VPS8: variants seen among roughly 807,000 people sequenced by gnomAD.
The protein encoded by VPS8 is VPS8 subunit of CORVET complex.
Under a neutral mutation model 216.4 loss-of-function variants are expected in VPS8, and 129 were observed. The ratio of observed to expected loss-of-function variants is 0.60; its 90% CI spans 0.52 to 0.69. The LOEUF (loss-of-function observed/expected upper bound fraction) is 0.69, where lower values mean the gene tolerates loss of function less well. Among genes scored for constraint, VPS8 ranks in the 30% least tolerant of loss-of-function variants. The probability of loss-of-function intolerance (pLI) is 0.00; values close to 1 mark genes in which losing one functional copy is unlikely to be tolerated. For synonymous variants in VPS8, 571 were observed against 565.4 expected (o/e 1.01, Z -0.14); for missense variants, 1,531 against 1,683.5 (o/e 0.91, Z 1.59).
rs1302929334 is a variant in VPS8, at chr3:184,868,008, T to C, written c.1471-16T>C. 3 of 1,612,538 alleles carry C rather than the reference T, an allele frequency of 1.9e-6. No homozygotes were observed. Among genetic ancestry groups the C allele is most frequent in the Non-Finnish European group, 2.5e-6 (3 of 1,179,586 alleles). ...TTAAGGGTGATCATTTTAATTTCCA[T>C]CTCTTTACTTTCCAGTCTGTTTATG... On this transcript the variant is annotated splice_polypyrimidine_tract_variant and intron_variant, in intron 17 of 47. Coordinates refer to ENST00000625842, the MANE Select transcript of VPS8 (RefSeq NM_001009921.3).
chr3:184,923,725 G>C (rs1739070018), intron 29 of VPS8, among the ~76,000 whole-genome samples: 2 of 151,992 alleles, frequency 1.3e-5, no homozygotes, highest in African/African-American at 4.8e-5. Context: ...AATAAATATT[G>C]TTGTTCCCCT....
chr3:184,826,562 A>G (rs1321811403), intron 3 of VPS8, among the ~76,000 whole-genome samples: 2 of 152,224 alleles, frequency 1.3e-5, no homozygotes. Context: ...GGCATAAACC[A>G]TCTCTTGTTC....
chr3:184,939,765 C>A (rs1337078365), intron 35 of VPS8, among the ~76,000 whole-genome samples: 2 of 152,144 alleles, frequency 1.3e-5, no homozygotes, highest in Non-Finnish European at 2.9e-5. Context: ...GGACCTCAAA[C>A]TCCCACCCTC....
At chr3:185,012,455 G>A (rs1019667072) in intron 45 of VPS8, among the ~76,000 whole-genome samples, 1 of 150,550 alleles carries the variant, frequency 6.6e-6, no homozygotes, top group African/African-American at 2.4e-5. Context: ...TGGGGACATT[G>A]GACCTAATAA....
chr3:184,950,217 T>TTTG (rs1744437393), intron 36 of VPS8, among the ~76,000 whole-genome samples: 1 of 30,530 alleles, frequency 3.3e-5, no homozygotes, highest in African/African-American at 1.5e-4. Flanking sequence ...AGTTTTCTGC[T>TTTG]TTTTTTTTTT....
chr3:184,916,540 T>G (rs1737630524), intron 28 of VPS8, among the ~76,000 whole-genome samples: 1 of 152,026 alleles, frequency 6.6e-6, no homozygotes, highest in South Asian at 2.1e-4. Flanking sequence ...ACTATTAAAT[T>G]ATTTTAAAAA....
intron 11 of VPS8, among the ~76,000 whole-genome samples, chr3:184,852,935 C>A (rs1724591844): frequency 6.6e-6 from 1 of 152,040 alleles, no homozygotes; most frequent in African/African-American, 2.4e-5. Flanking sequence ...TTAGAATTGC[C>A]ATGTTTGCTC....
At chr3:184,901,204 T>C in intron 25 of VPS8, 1 of 458,752 alleles carries the variant, frequency 2.2e-6, no homozygotes, top group Non-Finnish European at 3.9e-6. Context: ...GGGCAGTCAC[T>C]GATCTACTTT....
intron 44 of VPS8, among the ~76,000 whole-genome samples, chr3:184,998,233 T>C (rs1469791597): frequency 2.6e-5 from 4 of 152,222 alleles, no homozygotes; most frequent in South Asian, 4.1e-4. Flanking sequence ...ATCTGACCTA[T>C]GTCTTAAGGA....
At chr3:184,825,521 T>C (rs1718569887) in intron 2 of VPS8, among the ~76,000 whole-genome samples, 1 of 152,244 alleles carries the variant, frequency 6.6e-6, no homozygotes, top group South Asian at 2.1e-4. Flanking sequence ...TTATGACTTA[T>C]GTCTAAACTT....
At chr3:184,929,753 A>T in intron 33 of VPS8, 89 bp downstream of exon 33, 1 of 751,080 alleles carries the variant, frequency 1.3e-6, no homozygotes, top group Admixed American at 3.8e-5. Context: ...ATATTTGCGC[A>T]TGTGTATGAG....
chr3:184,993,894 T>A, intron 42 of VPS8, 89 bp from the exon 43 acceptor site: 1 of 1,031,924 alleles, frequency 9.7e-7, no homozygotes, highest in Non-Finnish European at 1.4e-6. Flanking sequence ...GAAAAATACT[T>A]AAAAGCATTT....
chr3:184,959,397 A>C (rs1288682716), intron 37 of VPS8, among the ~76,000 whole-genome samples: 2 of 152,196 alleles, frequency 1.3e-5, no homozygotes, highest in Admixed American at 1.3e-4. Flanking sequence ...GAAAATAACT[A>C]TATTGCCATA....
At chr3:184,876,984 A>G (rs1256755313) in intron 21 of VPS8, among the ~76,000 whole-genome samples, 1 of 152,142 alleles carries the variant, frequency 6.6e-6, no homozygotes, top group Non-Finnish European at 1.5e-5. Context: ...AAATTCCCTA[A>G]CATTTTCTAA....
intron 46 of VPS8, among the ~76,000 whole-genome samples, chr3:185,025,129 T>C (rs1757172429): frequency 6.6e-6 from 1 of 152,214 alleles, no homozygotes; most frequent in African/African-American, 2.4e-5. Flanking sequence ...AGAGCTCTCA[T>C]GTGTGCTACT....
At chr3:184,812,447 C>G (rs1000755892) in intron 1 of VPS8, 1 of 152,216 alleles carries the variant, frequency 6.6e-6, no homozygotes, top group Non-Finnish European at 1.5e-5. Flanking sequence ...GCGTGTCGTA[C>G]GTTGGCCCGG....
In VPS8 at chr3:184,936,264, C is replaced by G. The variant is rs200456100; in HGVS notation, c.2917C>G (p.Pro973Ala). 2.1e-4 allele frequency: 334 copies of G among 1,609,928 alleles called. No homozygotes were observed. The highest frequency in any genetic ancestry group is 1.3e-4 in the Non-Finnish European group (153 of 1,178,228). Residue 973 changes from proline to alanine, a missense_variant, in exon 35 of 48, where the codon CCT becomes GCT. Physicochemically the swap from Pro to Ala is conservative, Grantham distance 27. Around this residue, in one of 3 missense-constraint regions of VPS8, gnomAD observed 1,318 missense variants for 1,468.4 expected, o/e 0.90. Transcript: ENST00000625842. Reference sequence around the variant, plus strand: ...ACTCCAGGAACTCGTGTCCCTGAAGCCTTGTAAAGCTGCGGAGCTGGTTGC... The same window carrying G: ...ACTCCAGGAACTCGTGTCCCTGAAGGCTTGTAAAGCTGCGGAGCTGGTTGC... ...DHIEELVSLK[P>A]CKAAELVATH...
At chr3:184,960,323 C>A (rs1015643887) in intron 37 of VPS8, among the ~76,000 whole-genome samples, 1 of 152,046 alleles carries the variant, frequency 6.6e-6, no homozygotes, top group Non-Finnish European at 1.5e-5. Context: ...AGATGCAACA[C>A]TTTAGAATTT....
chr3:185,046,545 C>T (rs1354328164), intron 46 of VPS8, among the ~76,000 whole-genome samples: 5 of 152,152 alleles, frequency 3.3e-5, no homozygotes, highest in Admixed American at 6.5e-5. Flanking sequence ...TCAGGTTATA[C>T]AGGGAGCTGG....
Sources: allele counts gnomAD v4.1 joint callset (sites outside exome capture counted in the v4.1 genomes callset), GRCh38; gene constraint gnomAD v4.1.1; regional missense constraint gnomAD v4.1.1; transcripts MANE v1.5; gene names NCBI Gene and HGNC (gene_info 2026-07-23, HGNC 2026-07-21).